MAGI2: variants seen among roughly 807,000 people sequenced by gnomAD.
MAGI2 encodes the protein membrane associated guanylate kinase, WW and PDZ domain containing 2.
MAGI2 carries 35 observed loss-of-function variants against 133.3 expected under a neutral mutation model. That is an observed-to-expected ratio of 0.26 (90% CI 0.20 to 0.35). The LOEUF (loss-of-function observed/expected upper bound fraction) is 0.35, where lower values mean the gene tolerates loss of function less well. Ranked by LOEUF, MAGI2 falls within the 10% of genes least tolerant of loss-of-function variation. The probability of loss-of-function intolerance (pLI) is 1.00; values close to 1 mark genes in which losing one functional copy is unlikely to be tolerated. For missense variants in MAGI2, 1,636 were observed against 1,863.4 expected (o/e 0.88, Z 2.25); for synonymous variants, 729 against 710.6 (o/e 1.03, Z -0.41).
intron 13 of MAGI2, among the ~76,000 whole-genome samples, chr7:78,183,188 C>T (rs1319804052): frequency 9.2e-5 from 14 of 151,698 alleles, no homozygotes; most frequent in Non-Finnish European, 1.9e-4. Flanking sequence ...AGAATCATAA[C>T]ATAATTTGAT....
Position 78,788,507 on chromosome 7 carries a change from A to T in MAGI2, c.419-161268T>A, listed in dbSNP as rs376122534. Reference sequence around the variant, plus strand: ...ACAAATTCTCTTCATTTTGCCTTTGACTGCCCTTTTTCTCTAATTCTGGAT... The same window carrying T: ...ACAAATTCTCTTCATTTTGCCTTTGTCTGCCCTTTTTCTCTAATTCTGGAT... On this transcript the variant is annotated intron_variant, in intron 2 of 21. Transcript: ENST00000354212. Among the ~76,000 whole-genome samples, 7 of 151,184 alleles carry T rather than the reference A, an allele frequency of 4.6e-5. No homozygotes were observed. The East Asian group carries it at 1.4e-3, about 29-fold the overall frequency.
chr7:78,623,789 G>A (rs921779543), intron 3 of MAGI2, among the ~76,000 whole-genome samples: 1 of 152,078 alleles, frequency 6.6e-6, no homozygotes, highest in Non-Finnish European at 1.5e-5. Context: ...ATTGTGTAAC[G>A]ACATTTTGGT....
In MAGI2 at chr7:78,623,863, T is replaced by C. The variant is rs567599713; in HGVS notation, c.538+3257A>G. Among the ~76,000 whole-genome samples, 16 of 152,264 alleles carry C rather than the reference T, an allele frequency of 1.1e-4. No homozygotes were observed. The South Asian group carries it at 3.1e-3, about 30-fold the overall frequency. On this transcript the variant is annotated intron_variant, in intron 3 of 21. Transcript: ENST00000354212. The stretch of plus-strand genomic sequence containing the variant: ...TTGTAACGGAGCTGAAAAATTCTTA[T>C]TGCCCATTGACACTGCAGCCCTTGT...
At chr7:78,726,154 G>A (rs1279743338) in intron 2 of MAGI2, among the ~76,000 whole-genome samples, 2 of 152,082 alleles carry the variant, frequency 1.3e-5, no homozygotes, top group Admixed American at 1.3e-4. Context: ...AATTTTAAGT[G>A]GGGGTTAATA....
intron 6 of MAGI2, among the ~76,000 whole-genome samples, chr7:78,473,921 C>T (rs977898883): frequency 1.3e-5 from 2 of 151,940 alleles, no homozygotes; most frequent in African/African-American, 4.8e-5. Flanking sequence ...TGGTCAGATA[C>T]CTATAAAAAG....
chr7:78,075,534 A>G (rs1255117268), intron 21 of MAGI2, among the ~76,000 whole-genome samples: 1 of 151,120 alleles, frequency 6.6e-6, no homozygotes, highest in Non-Finnish European at 1.5e-5. Flanking sequence ...CCACCACCAC[A>G]CCCGGCTAAT....
intron 6 of MAGI2, among the ~76,000 whole-genome samples, chr7:78,451,052 G>A (rs1266278243): frequency 2.6e-5 from 4 of 152,052 alleles, no homozygotes; most frequent in African/African-American, 9.7e-5. Context: ...GTCATTTCTA[G>A]AAATATTTCT....
chr7:78,528,869 C>T (rs1377432987), intron 3 of MAGI2, among the ~76,000 whole-genome samples: 1 of 151,934 alleles, frequency 6.6e-6, no homozygotes, highest in African/African-American at 2.4e-5. Context: ...AAAAATATAC[C>T]AAATAGCATT....
In MAGI2 at chr7:79,178,482, T is replaced by A. The variant is rs1404907382; in HGVS notation, c.302-171276A>T. ...ATCCCAGCACTTTGGGAGGCCGAGA[T>A]GTGTGGATCAACTGAGGTCAGGAGT... On this transcript the variant is annotated intron_variant, in intron 1 of 21. Transcript: ENST00000354212. Among the ~76,000 whole-genome samples, 6 of 151,900 alleles carry A rather than the reference T, an allele frequency of 3.9e-5. 1 individual carries two copies. The highest frequency in any genetic ancestry group is 1.5e-4 in the African/African-American group (6 of 41,266).
chr7:78,962,509 GTT>G (rs1554313141), intron 2 of MAGI2, among the ~76,000 whole-genome samples: 1 of 137,600 alleles, frequency 7.3e-6, no homozygotes, highest in Non-Finnish European at 1.6e-5. Flanking sequence ...CAATGCTTAT[GTT>G]TTTTTTTTTT....
intron 2 of MAGI2, among the ~76,000 whole-genome samples, chr7:78,857,779 G>C (rs564666423): frequency 2.6e-5 from 4 of 152,318 alleles, no homozygotes; most frequent in African/African-American, 7.2e-5. Flanking sequence ...AAATGAGTTA[G>C]GGAGGATTCC....
Position 79,453,249 on chromosome 7 carries a change from CGGGTTCCT to C in MAGI2, c.64_71del (p.Arg22GlyfsTer7), listed in dbSNP as rs1135402912. On this transcript the variant is annotated frameshift_variant, in exon 1 of 22. Coordinates refer to ENST00000354212, the MANE Select transcript of MAGI2 (RefSeq NM_012301.4). LOFTEE classifies it high-confidence loss of function. ...TCAGTTCAAAGCCCAGCTGGCCCTC[CGGGTTCCT>C]GCCAATGACACTCTCATGGACTTTG... 1.2e-6 allele frequency: 2 copies of C among 1,613,848 alleles called. No individual in the cohort carries two copies. Among genetic ancestry groups the C allele is most frequent in the Non-Finnish European group, 1.7e-6 (2 of 1,180,036 alleles).
chr7:78,138,323 C>T (rs1229914759), intron 16 of MAGI2, among the ~76,000 whole-genome samples: 1 of 152,106 alleles, frequency 6.6e-6, no homozygotes, highest in Non-Finnish European at 1.5e-5. Context: ...CTGCAGTTGT[C>T]TTTTGACAGG....
chr7:79,329,068 A>C (rs1226156631), intron 1 of MAGI2, among the ~76,000 whole-genome samples: 1 of 152,220 alleles, frequency 6.6e-6, no homozygotes, highest in Non-Finnish European at 1.5e-5. Context: ...TCTGGTGATA[A>C]GATTTCAGAA....
intron 12 of MAGI2, among the ~76,000 whole-genome samples, chr7:78,194,657 G>A (rs1189485593): frequency 6.6e-6 from 1 of 152,116 alleles, no homozygotes; most frequent in Non-Finnish European, 1.5e-5. Context: ...ATTAGGGGAA[G>A]AAAAGTAGGA....
chr7:79,209,213 T>C (rs1248767826), intron 1 of MAGI2, among the ~76,000 whole-genome samples: 1 of 152,038 alleles, frequency 6.6e-6, no homozygotes, highest in Non-Finnish European at 1.5e-5. Context: ...AGATAATGAA[T>C]ATGTTAATTA....
Position 79,007,116 on chromosome 7 carries a change from T to C in MAGI2, c.392A>G (p.Asp131Gly), listed in dbSNP as rs751116728. Residue 131 changes from aspartate to glycine, a missense_variant, in exon 2 of 22, where the codon GAC becomes GGC. Physicochemically the swap from Asp to Gly is moderately conservative, Grantham distance 94. Around this residue, in one of 5 missense-constraint regions of MAGI2, gnomAD observed 148 missense variants for 239.0 expected, o/e 0.62. Coordinates refer to ENST00000354212, the MANE Select transcript of MAGI2 (RefSeq NM_012301.4). ...VDHELQQIIR[D>G]NLYLRTVPCT... is the part of the protein sequence containing the mutation. ...TGGCACCGTGCGGAGGTAGAGGTTG[T>C]CACGAATGATTTGCTGAAGCTCATG... 1 of 1,613,110 alleles carries C rather than the reference T, an allele frequency of 6.2e-7. No homozygotes were observed. Among genetic ancestry groups the C allele is most frequent in the East Asian group, 2.2e-5 (1 of 44,812 alleles).
intron 1 of MAGI2, among the ~76,000 whole-genome samples, chr7:79,060,019 G>C (rs1174728682): frequency 6.6e-6 from 1 of 152,098 alleles, no homozygotes; most frequent in African/African-American, 2.4e-5. Context: ...GGCTGCAGAA[G>C]CTTTGCCTTC....
chr7:78,053,707 G>C (rs1812260239), intron 21 of MAGI2, among the ~76,000 whole-genome samples: 1 of 152,132 alleles, frequency 6.6e-6, no homozygotes, highest in Non-Finnish European at 1.5e-5. Context: ...ATCTTTCCCT[G>C]TTTCAAAGTA....
Sources: gnomAD v4.1 joint callset for allele counts (sites outside exome capture counted in the v4.1 genomes callset) on GRCh38, gnomAD v4.1.1 for gene constraint, gnomAD v4.1.1 regional missense constraint, MANE v1.5 for transcripts, NCBI Gene and HGNC (gene_info 2026-07-23, HGNC 2026-07-21) for gene names.